PDE12: variants seen among roughly 807,000 people sequenced by gnomAD.
PDE12 encodes the protein phosphodiesterase 12, also known as 2',5'-phosphodiesterase 12.
A neutral mutation model predicts 45.4 loss-of-function variants in PDE12; 26 were observed. The observed-to-expected ratio is 0.57, with a 90% CI of 0.42 to 0.79. The LOEUF is 0.79. PDE12 is among the 30% of genes least tolerant of loss of function. The pLI is 0.00. For synonymous variants in PDE12, 283 were observed against 323.9 expected, an observed-to-expected ratio of 0.87 and a Z score of 1.36; for missense variants, 668 against 790.0, an observed-to-expected ratio of 0.85 and a Z score of 1.85.
chr3:57,607,812 T>C, the PDE12 span, among the ~76,000 whole-genome samples: 4 of 152,134 alleles, frequency 2.6e-5, no homozygotes. Context: ...GAAAACACTC[T>C]AAAGGATATT....
At chr3:57,628,114 C>T in the PDE12 span, 1 of 1,500,408 alleles carries the variant, frequency 6.7e-7, no homozygotes, top group Non-Finnish European at 8.9e-7. Flanking sequence ...GGCAATTTTC[C>T]ACTCCGCTGC....
the PDE12 span, among the ~76,000 whole-genome samples, chr3:57,642,949 T>C: frequency 6.9e-6 from 1 of 144,658 alleles, no homozygotes; most frequent in Non-Finnish European, 1.5e-5. Context: ...GAGGTTGCAG[T>C]GAGCCAAGAT....
the PDE12 span, among the ~76,000 whole-genome samples, chr3:57,621,957 C>G: frequency 2.4e-3 from 370 of 152,260 alleles, no homozygotes; most frequent in Non-Finnish European, 4.3e-3. Flanking sequence ...GGGTGGATCG[C>G]TTAAGGTCAA....
At chr3:57,589,984 G>A in the PDE12 span, among the ~76,000 whole-genome samples, 2 of 150,382 alleles carry the variant, frequency 1.3e-5, no homozygotes, top group Non-Finnish European at 1.5e-5. Flanking sequence ...CCAGCTACTC[G>A]GGAGGCTGAG....
At chr3:57,579,243 AACT>A in the PDE12 span, among the ~76,000 whole-genome samples, 4 of 118,834 alleles carry the variant, frequency 3.4e-5, no homozygotes, top group Non-Finnish European at 7.0e-5. Context: ...GACAAGAGCA[AACT>A]ACATCTCAAA....
rs893719927 is a variant in PDE12, at chr3:57,562,838, T to C, written c.*2834T>C. On this transcript the variant is annotated 3_prime_UTR_variant, in exon 3 of 3. Coordinates refer to ENST00000311180, the MANE Select transcript of PDE12 (RefSeq NM_177966.7). ...ATGTTCTTTTTGAAATTCTGTATGC[T>C]AAAATCAGTTGTTTCAAAATTTCAA... is the stretch of plus-strand genomic sequence containing the variant. 1.3e-5 allele frequency: 2 copies of C among 152,214 alleles called. No individual in the cohort carries two copies. The highest frequency in any genetic ancestry group is 4.8e-5 in the African/African-American group (2 of 41,456). The allele number at this position is 152,214 out of a possible 1,614,324, so 9.4% of individuals were successfully genotyped here. A position where few individuals can be genotyped will look rare whatever the true frequency, so the allele number is the denominator to read the frequency against.
the PDE12 span, among the ~76,000 whole-genome samples, chr3:57,637,353 C>G: frequency 6.6e-6 from 1 of 152,164 alleles, no homozygotes; most frequent in South Asian, 2.1e-4. Flanking sequence ...AAACTAGGTA[C>G]AATCCAGAAA....
At chr3:57,610,806 C>T in the PDE12 span, among the ~76,000 whole-genome samples, 9 of 152,230 alleles carry the variant, frequency 5.9e-5, no homozygotes, top group East Asian at 1.7e-3. Flanking sequence ...AATGGCCATA[C>T]TGCCCAAGGT....
the PDE12 span, among the ~76,000 whole-genome samples, chr3:57,656,334 T>C: frequency 3.9e-5 from 6 of 152,358 alleles, no homozygotes; most frequent in East Asian, 1.2e-3. Context: ...GTCTTTCACA[T>C]TGTTGCATGT....
chr3:57,624,609 C>T, the PDE12 span, among the ~76,000 whole-genome samples: 1 of 151,370 alleles, frequency 6.6e-6, no homozygotes, highest in Non-Finnish European at 1.5e-5. Flanking sequence ...ACTAAAAATA[C>T]AAAAATTAGC....
At chr3:57,581,421 A>C in the PDE12 span, among the ~76,000 whole-genome samples, 2 of 152,218 alleles carry the variant, frequency 1.3e-5, no homozygotes, top group Admixed American at 6.5e-5. Context: ...CATTCTAAAC[A>C]AATCTAGGGA....
the PDE12 span, among the ~76,000 whole-genome samples, chr3:57,609,693 G>A: frequency 6.6e-6 from 1 of 152,024 alleles, no homozygotes; most frequent in African/African-American, 2.4e-5. Context: ...GGAAGAAGTC[G>A]AATCCCTGAA....
chr3:57,582,991 T>C, the PDE12 span, among the ~76,000 whole-genome samples: 4 of 152,200 alleles, frequency 2.6e-5, no homozygotes, highest in Non-Finnish European at 5.9e-5. Flanking sequence ...TGGCTGCTAC[T>C]TGAGGGCAGC....
chr3:57,622,220 A>T, the PDE12 span, among the ~76,000 whole-genome samples: 1 of 152,162 alleles, frequency 6.6e-6, no homozygotes, highest in Non-Finnish European at 1.5e-5. Flanking sequence ...AAAGAACATT[A>T]TAGAGAACTC....
chr3:57,601,859 C>T, the PDE12 span, among the ~76,000 whole-genome samples: 1 of 151,156 alleles, frequency 6.6e-6, no homozygotes, highest in South Asian at 2.1e-4. Context: ...ATTCTCCTGC[C>T]TCAGCTGCCC....
the PDE12 span, among the ~76,000 whole-genome samples, chr3:57,622,977 G>A: frequency 6.6e-6 from 1 of 152,294 alleles, no homozygotes; most frequent in Admixed American, 6.5e-5. Flanking sequence ...AATTTTGGGG[G>A]TGATGAATAT....
At chr3:57,653,669 C>T in the PDE12 span, among the ~76,000 whole-genome samples, 1 of 151,148 alleles carries the variant, frequency 6.6e-6, no homozygotes, top group Non-Finnish European at 1.5e-5. Flanking sequence ...TTGCTTGAAC[C>T]CAGGAGGCGG....
chr3:57,577,754 G>A, the PDE12 span, among the ~76,000 whole-genome samples: 3 of 152,192 alleles, frequency 2.0e-5, no homozygotes, highest in Non-Finnish European at 4.4e-5. Context: ...CTAAAGAATC[G>A]TGAATTTGGC....
At chr3:57,618,066 A>C in the PDE12 span, among the ~76,000 whole-genome samples, 1 of 152,164 alleles carries the variant, frequency 6.6e-6, no homozygotes, top group African/African-American at 2.4e-5. Flanking sequence ...CTAACCTATA[A>C]GTGGGAACTA....
Sources: allele counts gnomAD v4.1 joint callset (sites outside exome capture counted in the v4.1 genomes callset), GRCh38; gene constraint gnomAD v4.1.1; transcripts MANE v1.5; gene names NCBI Gene and HGNC (gene_info 2026-07-23, HGNC 2026-07-21).